The following WWOX variants were observed in gnomAD, a reference collection of about 807,000 sequenced individuals.
WWOX encodes the protein WW domain-containing oxidoreductase.
Under a neutral mutation model 46.2 loss-of-function variants are expected in WWOX, and 69 were observed. The observed-to-expected ratio is 1.49, with a 90% CI of 1.23 to 1.82. WWOX has a LOEUF of 1.82. WWOX is among the 40% of genes most tolerant of loss of function. WWOX has a pLI of 0.00. For missense variants in WWOX, 919 were observed against 542.6 expected (o/e 1.69, Z -6.89); for synonymous variants, 359 against 202.6 (o/e 1.77, Z -6.56).
chr16:78,861,158 C>G (rs1212342711), intron 8 of WWOX, among the ~76,000 whole-genome samples: 3 of 152,142 alleles, frequency 2.0e-5, no homozygotes, highest in Non-Finnish European at 2.9e-5. Flanking sequence ...TCCTCCCTCT[C>G]TCTCTTTCTT....
intron 8 of WWOX, among the ~76,000 whole-genome samples, chr16:78,564,024 G>T (rs2738524): frequency 6.6e-6 from 1 of 152,182 alleles, no homozygotes; most frequent in Non-Finnish European, 1.5e-5. Context: ...GTGCGAACAA[G>T]CCCAGGCTAG....
chr16:78,756,694 C>A (rs907794945), intron 8 of WWOX, among the ~76,000 whole-genome samples: 1 of 152,086 alleles, frequency 6.6e-6, no homozygotes, highest in Non-Finnish European at 1.5e-5. Flanking sequence ...CGTTAAACTA[C>A]CATTAAGCAA....
intron 8 of WWOX, among the ~76,000 whole-genome samples, chr16:78,599,394 G>C (rs1027093051): frequency 4.6e-5 from 7 of 152,168 alleles, no homozygotes; most frequent in African/African-American, 1.7e-4. Context: ...AAACCAAAGG[G>C]CCTGCTGCCC....
intron 8 of WWOX, among the ~76,000 whole-genome samples, chr16:78,995,306 C>T (rs371584092): frequency 1.3e-5 from 2 of 152,210 alleles, no homozygotes; most frequent in East Asian, 3.9e-4. Flanking sequence ...GCCAGTCTGC[C>T]CCTTGCCCAA....
intron 5 of WWOX, among the ~76,000 whole-genome samples, chr16:78,321,026 A>G (rs2080456139): frequency 6.6e-6 from 1 of 152,128 alleles, no homozygotes; most frequent in Admixed American, 6.5e-5. Flanking sequence ...CTTAACCAAT[A>G]GCCTCACAGA....
At chr16:79,132,175 T>C (rs2049893797) in intron 8 of WWOX, among the ~76,000 whole-genome samples, 1 of 148,218 alleles carries the variant, frequency 6.7e-6, no homozygotes, top group Non-Finnish European at 1.5e-5. Flanking sequence ...CACCCCTTCC[T>C]ACGTCCTACA....
chr16:79,062,280 A>C (rs2048369927), intron 8 of WWOX, among the ~76,000 whole-genome samples: 1 of 152,210 alleles, frequency 6.6e-6, no homozygotes, highest in African/African-American at 2.4e-5. Context: ...TTTATTAATA[A>C]AATGCCCAAT....
intron 8 of WWOX, among the ~76,000 whole-genome samples, chr16:78,635,010 G>A (rs376630310): frequency 7.9e-5 from 12 of 152,228 alleles, no homozygotes; most frequent in Middle Eastern, 3.4e-3. Context: ...CCATGCTTTC[G>A]TTTGGGATTC....
chr16:78,745,080 C>T (rs139142647), intron 8 of WWOX, among the ~76,000 whole-genome samples: 1 of 151,998 alleles, frequency 6.6e-6, no homozygotes. Flanking sequence ...AAATGGAGAT[C>T]TCAAGAGGTA....
At position 78,806,049 on chromosome 16, in the gene WWOX, G is replaced by A. The variant is rs74513688; in HGVS notation, c.1056+373297G>A. Among the ~76,000 whole-genome samples the A allele has an allele frequency of 2.8e-3, 422 of 152,254 alleles. 3 individuals carry two copies. Among genetic ancestry groups the A allele is most frequent in the African/African-American group, 9.8e-3 (408 of 41,552 alleles). Reference sequence around the variant, plus strand: ...TAATCCAAAGCCACTTGAGGCTCTAGATAGATCTTAGCAGTCAAAGCAATA... The same window carrying A: ...TAATCCAAAGCCACTTGAGGCTCTAAATAGATCTTAGCAGTCAAAGCAATA... On this transcript the variant is annotated intron_variant, in intron 8 of 8. Coordinates refer to ENST00000566780, the MANE Select transcript of WWOX (RefSeq NM_016373.4).
intron 8 of WWOX, among the ~76,000 whole-genome samples, chr16:78,799,791 A>C (rs1017461796): frequency 1.3e-5 from 2 of 152,232 alleles, no homozygotes; most frequent in Non-Finnish European, 2.9e-5. Flanking sequence ...ATTTATTTAG[A>C]TATCTTTGGC....
intron 8 of WWOX, among the ~76,000 whole-genome samples, chr16:78,919,668 C>G (rs2045332888): frequency 6.6e-6 from 1 of 151,960 alleles, no homozygotes; most frequent in Non-Finnish European, 1.5e-5. Context: ...CAGGCACACA[C>G]CACCACACCT....
intron 8 of WWOX, among the ~76,000 whole-genome samples, chr16:79,038,179 T>C (rs899042519): frequency 2.0e-4 from 30 of 152,170 alleles, no homozygotes; most frequent in African/African-American, 6.3e-4. Context: ...TGCACACTTT[T>C]TTTTTGTCAG....
chr16:78,100,236 G>A (rs1279141648), intron 1 of WWOX: 14 of 1,135,244 alleles, frequency 1.2e-5, no homozygotes, highest in African/African-American at 1.7e-5. Context: ...TGGGTTGCAG[G>A]GATAGGAGTT....
chr16:78,140,220 A>C (rs775632494), intron 4 of WWOX, among the ~76,000 whole-genome samples: 35 of 152,208 alleles, frequency 2.3e-4, no homozygotes, highest in Non-Finnish European at 1.3e-4. Context: ...GAGGTGCCCG[A>C]TACAGTCCAC....
At chr16:79,029,835 T>C (rs1170068150) in intron 8 of WWOX, among the ~76,000 whole-genome samples, 1 of 152,222 alleles carries the variant, frequency 6.6e-6, no homozygotes, top group East Asian at 1.9e-4. Flanking sequence ...TCATCAAACA[T>C]TGTTTACTGT....
chr16:78,910,735 C>G (rs982484985), intron 8 of WWOX, among the ~76,000 whole-genome samples: 2 of 151,854 alleles, frequency 1.3e-5, no homozygotes, highest in Admixed American at 6.6e-5. Flanking sequence ...CTTTATAAAA[C>G]CATCAGATCT....
intron 7 of WWOX, among the ~76,000 whole-genome samples, chr16:78,427,257 C>G (rs1031272003): frequency 6.6e-6 from 1 of 152,204 alleles, no homozygotes; most frequent in Admixed American, 6.5e-5. Flanking sequence ...AAATATTATA[C>G]TAGACTGCTC....
intron 8 of WWOX, among the ~76,000 whole-genome samples, chr16:79,133,125 T>G (rs1328120210): frequency 1.3e-5 from 2 of 152,252 alleles, no homozygotes. Context: ...AAGCCCCTGC[T>G]AATTTAGCAT....
Sources: gnomAD v4.1 joint callset for allele counts (sites outside exome capture counted in the v4.1 genomes callset) on GRCh38, gnomAD v4.1.1 for gene constraint, MANE v1.5 for transcripts, NCBI Gene and HGNC (gene_info 2026-07-23, HGNC 2026-07-21) for gene names.